The following NTRK3 variants were observed in gnomAD, a reference collection of about 807,000 sequenced individuals.
NTRK3 encodes the protein neurotrophic receptor tyrosine kinase 3, also known as NT-3 growth factor receptor.
NTRK3 carries 24 observed loss-of-function variants against 91.7 expected under a neutral mutation model. The ratio of observed to expected loss-of-function variants is 0.26; its 90% CI spans 0.19 to 0.37. The LOEUF (loss-of-function observed/expected upper bound fraction) is 0.37. Ranked by LOEUF, NTRK3 falls within the 10% of genes least tolerant of loss-of-function variation. The pLI, the probability that NTRK3 is intolerant of heterozygous loss-of-function variation, is 1.00. For synonymous variants in NTRK3, 483 were observed against 404.0 expected (o/e 1.20, Z -2.34); for missense variants, 880 against 1,068.9 (o/e 0.82, Z 2.46).
At chr15:88,232,742 C>T (rs981048104) in intron 3 of NTRK3, among the ~76,000 whole-genome samples, 1 of 152,150 alleles carries the variant, frequency 6.6e-6, no homozygotes, top group African/African-American at 2.4e-5. Flanking sequence ...AAGAAAAGGC[C>T]CCAGAGGCCT....
intron 13 of NTRK3, among the ~76,000 whole-genome samples, chr15:88,041,449 A>G (rs1416903862): frequency 6.6e-6 from 1 of 152,214 alleles, no homozygotes; most frequent in East Asian, 1.9e-4. Flanking sequence ...CTTGAAGTTA[A>G]ACAGTACCCC....
intron 13 of NTRK3, among the ~76,000 whole-genome samples, chr15:88,113,991 G>T (rs1364435544): frequency 1.3e-5 from 2 of 151,908 alleles, no homozygotes; most frequent in Non-Finnish European, 2.9e-5. Flanking sequence ...CCAGGAATCT[G>T]CACTTTAATC....
chr15:88,094,408 G>C, intron 13 of NTRK3, among the ~76,000 whole-genome samples: 2 of 146,164 alleles, frequency 1.4e-5, no homozygotes, highest in African/African-American at 2.6e-5. Context: ...AGCGGAGCTT[G>C]CAGTGAGCCG....
In NTRK3 at chr15:87,868,961, A is replaced by C. The variant is rs533487471; in HGVS notation, c.*7974T>G. On this transcript the variant is annotated 3_prime_UTR_variant, in exon 19 of 19. Coordinates refer to ENST00000394480, the Ensembl canonical transcript of NTRK3. ...TGACCTTGTTGCAATGGGATCTTGA[A>C]TCCCTAGAGGATTGCAGAGCCCAGA... 105 of 227,770 alleles carry C rather than the reference A, an allele frequency of 4.6e-4. 1 individual carries two copies. Among genetic ancestry groups the C allele is most frequent in the African/African-American group, 2.2e-3 (100 of 45,196 alleles). The allele number at this position is 227,770 out of a possible 1,614,324, so 14.1% of individuals were successfully genotyped here.
chr15:88,031,289 T>G (rs928805404), intron 14 of NTRK3, among the ~76,000 whole-genome samples: 2 of 152,138 alleles, frequency 1.3e-5, no homozygotes, highest in African/African-American at 4.8e-5. Flanking sequence ...ATACAGATAA[T>G]GAGAACCAAC....
chr15:88,221,431 A>G (rs1237331264), intron 3 of NTRK3, among the ~76,000 whole-genome samples: 1 of 152,254 alleles, frequency 6.6e-6, no homozygotes, highest in Non-Finnish European at 1.5e-5. Context: ...TTACCAAAGT[A>G]AATAGCTAGT....
At chr15:87,922,083 G>A (rs142284050) in intron 17 of NTRK3, among the ~76,000 whole-genome samples, 128 of 152,280 alleles carry the variant, frequency 8.4e-4, no homozygotes, top group Middle Eastern at 3.4e-3. Flanking sequence ...AAGCATGGTG[G>A]AACCCTGTGA....
chr15:87,937,611 G>C (rs1474334501), intron 15 of NTRK3, among the ~76,000 whole-genome samples: 1 of 152,046 alleles, frequency 6.6e-6, no homozygotes, highest in Non-Finnish European at 1.5e-5. Context: ...GAAATATAAT[G>C]CTAAATCCAA....
At chr15:88,178,177 C>T (rs1304469567) in intron 5 of NTRK3, among the ~76,000 whole-genome samples, 10 of 152,158 alleles carry the variant, frequency 6.6e-5, no homozygotes. Flanking sequence ...AGTCTCAGTG[C>T]AGAGGTAAGG....
chr15:88,203,655 A>C (rs2048486018), intron 3 of NTRK3, among the ~76,000 whole-genome samples: 2 of 152,332 alleles, frequency 1.3e-5, no homozygotes, highest in South Asian at 4.1e-4. Flanking sequence ...AGTTCACATT[A>C]ATCTATTGTA....
At chr15:87,912,932 ATATATATAT>A (rs2067194059) in intron 17 of NTRK3, among the ~76,000 whole-genome samples, 1 of 7,326 alleles carries the variant, frequency 1.4e-4, no homozygotes, top group Admixed American at 1.2e-3. Flanking sequence ...GTAAAAAAAA[ATATATATAT>A]ATATATATAT....
chr15:88,068,229 C>T (rs796173021), intron 13 of NTRK3, among the ~76,000 whole-genome samples: 1 of 152,000 alleles, frequency 6.6e-6, no homozygotes, highest in Admixed American at 6.5e-5. Context: ...GCCAGGAGTT[C>T]GAGACCAGCC....
At chr15:87,944,432 A>G (rs913987422) in intron 14 of NTRK3, among the ~76,000 whole-genome samples, 1 of 152,214 alleles carries the variant, frequency 6.6e-6, no homozygotes, top group Admixed American at 6.5e-5. Flanking sequence ...CTTGATTCTC[A>G]TCATAATCCT....
At chr15:88,225,585 C>T (rs1382390083) in intron 3 of NTRK3, among the ~76,000 whole-genome samples, 1 of 152,124 alleles carries the variant, frequency 6.6e-6, no homozygotes, top group East Asian at 1.9e-4. Flanking sequence ...GGCTGCAGGG[C>T]GTGGGAAGCT....
At chr15:87,923,919 A>C (rs1398061528) in intron 17 of NTRK3, among the ~76,000 whole-genome samples, 1 of 152,198 alleles carries the variant, frequency 6.6e-6, no homozygotes, top group Non-Finnish European at 1.5e-5. Flanking sequence ...TGACACAGCA[A>C]GAAGGCCCTC....
chr15:87,966,583 A>G (rs2072815975), intron 14 of NTRK3, among the ~76,000 whole-genome samples: 1 of 152,164 alleles, frequency 6.6e-6, no homozygotes, highest in Non-Finnish European at 1.5e-5. Flanking sequence ...GCCCCCACAC[A>G]GTAATCCTTT....
At chr15:87,933,076 C>T (rs772244244) in exon 16 of NTRK3, 28 of 1,613,978 alleles carry the variant, frequency 1.7e-5, no homozygotes, top group African/African-American at 4.0e-5. Context: ...GGGTCCCCAT[C>T]GCCGCACACT....
In NTRK3 at chr15:87,905,745, T is replaced by C. The variant is rs540843786; in HGVS notation, c.2133+23446A>G. Among the ~76,000 whole-genome samples the C allele has an allele frequency of 1.6e-4, 24 of 152,244 alleles. 1 individual carries two copies. The South Asian group carries it at 5.0e-3, about 32-fold the overall frequency. On this transcript the variant is annotated intron_variant, in intron 17 of 18. Coordinates refer to ENST00000394480, the Ensembl canonical transcript of NTRK3. Reference sequence around the variant, plus strand: ...TCTCCCCACCTCTATTATCTATACATAGACACCATGCATGGTCCCTCCTTC... The same window carrying C: ...TCTCCCCACCTCTATTATCTATACACAGACACCATGCATGGTCCCTCCTTC...
chr15:87,978,901 G>C (rs2073955176), intron 14 of NTRK3: 1 of 305,378 alleles, frequency 3.3e-6, no homozygotes, highest in Non-Finnish European at 6.1e-6. Flanking sequence ...TAAGAGGACA[G>C]CATGGTATCC....
Sources: allele counts gnomAD v4.1 joint callset (sites outside exome capture counted in the v4.1 genomes callset), GRCh38; gene constraint gnomAD v4.1.1; transcripts MANE v1.5; gene names NCBI Gene and HGNC (gene_info 2026-07-23, HGNC 2026-07-21).